The following TTC17 variants were observed in gnomAD, a reference collection of about 807,000 sequenced individuals.
TTC17 encodes tetratricopeptide repeat protein 17.
Under a neutral mutation model 143.8 loss-of-function variants are expected in TTC17, and 58 were observed. That is an observed-to-expected ratio of 0.40 (90% CI 0.33 to 0.50). The LOEUF is 0.50. Ranked by LOEUF, TTC17 falls within the 20% of genes least tolerant of loss-of-function variation. The pLI, the probability that TTC17 is intolerant of heterozygous loss-of-function variation, is 0.49. For synonymous variants in TTC17, 501 were observed against 497.8 expected (o/e 1.01, Z -0.09); for missense variants, 1,273 against 1,392.5 (o/e 0.91, Z 1.37).
intron 16 of TTC17, among the ~76,000 whole-genome samples, chr11:43,436,655 G>A (rs1412978606): frequency 1.3e-5 from 2 of 152,098 alleles, no homozygotes; most frequent in East Asian, 3.9e-4. Context: ...TGAAGATTTG[G>A]AATAGTGGGC....
intron 16 of TTC17, among the ~76,000 whole-genome samples, chr11:43,441,993 C>T (rs765804990): frequency 2.0e-5 from 3 of 152,096 alleles, no homozygotes; most frequent in Non-Finnish European, 2.9e-5. Flanking sequence ...GTCGTGGGAA[C>T]ATCATAGAGT....
intron 16 of TTC17, among the ~76,000 whole-genome samples, chr11:43,420,355 A>G (rs748792863): frequency 2.6e-5 from 4 of 152,222 alleles, no homozygotes; most frequent in Non-Finnish European, 4.4e-5. Flanking sequence ...TAAAAATGGT[A>G]TAATCACTAC....
At chr11:43,406,056 G>C (rs1858115831) in intron 13 of TTC17, 105 bp downstream of exon 13, 2 of 1,318,622 alleles carry the variant, frequency 1.5e-6, no homozygotes, top group Admixed American at 5.5e-5. Flanking sequence ...TGAGCTTTAA[G>C]TGTATAAAAT....
Position 43,404,043 on chromosome 11 carries a change from G to A in TTC17, c.1378G>A (p.Asp460Asn), listed in dbSNP as rs1243152243. The A allele has an allele frequency of 1.2e-6, 2 of 1,612,420 alleles. No homozygotes were observed. The highest frequency in any genetic ancestry group is 3.3e-5 in the Admixed American group (2 of 59,786). The change falls in exon 11 of 24, where the codon GAT (aspartate) becomes AAT (asparagine). Residue 460 changes from aspartate (D) to asparagine (N), a missense_variant. Coordinates refer to ENST00000039989, the MANE Select transcript of TTC17 (RefSeq NM_018259.6). The part of the protein sequence containing the change: ...STSSMMSVNF[D>N]VQSNQSDIND... ...CTCCAGTATGATGTCTGTGAACTTT[G>A]ATGTTCAATCAAATCAGAGTGATAT...
intron 19 of TTC17, 109 bp downstream of exon 19, chr11:43,448,231 G>A (rs1275357624): frequency 1.5e-5 from 22 of 1,464,276 alleles, no homozygotes; most frequent in Non-Finnish European, 2.0e-5. Context: ...CCTTTCTAGA[G>A]CTGAATTTTC....
intron 21 of TTC17, among the ~76,000 whole-genome samples, chr11:43,453,329 C>G (rs964509803): frequency 6.6e-6 from 1 of 151,360 alleles, no homozygotes; most frequent in African/African-American, 2.4e-5. Flanking sequence ...TGATCCAGAA[C>G]AGTCAACAGC....
chr11:43,399,248 T>C (rs1857745277), intron 8 of TTC17, among the ~76,000 whole-genome samples: 2 of 152,242 alleles, frequency 1.3e-5, no homozygotes, highest in South Asian at 4.1e-4. Context: ...AGAAAGACTT[T>C]GAATGTTGAT....
At chr11:43,394,736 TA>T (rs1857515082) in intron 5 of TTC17, among the ~76,000 whole-genome samples, 1 of 152,130 alleles carries the variant, frequency 6.6e-6, no homozygotes, top group African/African-American at 2.4e-5. Context: ...GATTAATTAT[TA>T]AATAATGAAT....
At chr11:43,434,560 T>G (rs183481308) in intron 16 of TTC17, among the ~76,000 whole-genome samples, 3 of 152,336 alleles carry the variant, frequency 2.0e-5, no homozygotes, top group Admixed American at 2.0e-4. Context: ...TTTATGAGGA[T>G]AAAGTGGAGG....
chr11:43,493,202 C>T lies in TTC17; in HGVS notation c.3295-571C>T, dbSNP rs186336222. 6.6e-5 allele frequency among the ~76,000 whole-genome samples: 10 copies of T among 152,278 alleles called. No homozygotes were observed. In the East Asian group the frequency reaches 1.2e-3, roughly 18 times the overall value. On this transcript the variant is annotated intron_variant, in intron 23 of 23. Transcript: ENST00000039989. The stretch of plus-strand genomic sequence containing the variant: ...AGTGTAACTCTAAGTAAAAGATTAA[C>T]CTTCAATATGGCAGGGATCATTTCC...
chr11:43,379,491 A>C (rs749620707), intron 2 of TTC17, among the ~76,000 whole-genome samples, 169 bp downstream of exon 2: 21 of 151,622 alleles, frequency 1.4e-4, no homozygotes, highest in Middle Eastern at 3.4e-3. Flanking sequence ...TTTTTTCTTT[A>C]TCATTTTATC....
chr11:43,481,157 A>G (rs1208267830), intron 21 of TTC17, among the ~76,000 whole-genome samples: 3 of 152,224 alleles, frequency 2.0e-5, no homozygotes, highest in African/African-American at 7.2e-5. Context: ...AAAATGTTTC[A>G]TTCACCAGAA....
chr11:43,395,053 G>A (rs929158256), intron 5 of TTC17, among the ~76,000 whole-genome samples: 1 of 150,160 alleles, frequency 6.7e-6, no homozygotes, highest in South Asian at 2.1e-4. Context: ...AGTATGCTAT[G>A]ATATATATTT....
chr11:43,413,199 T>C (rs1195874965), intron 15 of TTC17, among the ~76,000 whole-genome samples: 1 of 152,194 alleles, frequency 6.6e-6, no homozygotes, highest in Non-Finnish European at 1.5e-5. Flanking sequence ...CACTGGTTTA[T>C]GACAAAGGGG....
intron 2 of TTC17, among the ~76,000 whole-genome samples, chr11:43,386,903 C>G (rs1857190880): frequency 6.6e-6 from 1 of 152,088 alleles, no homozygotes; most frequent in South Asian, 2.1e-4. Context: ...CCTCCTACCT[C>G]AGCTTCTCCA....
intron 16 of TTC17, among the ~76,000 whole-genome samples, chr11:43,440,186 A>G (rs890924810): frequency 1.2e-4 from 18 of 152,194 alleles, no homozygotes; most frequent in African/African-American, 4.1e-4. Flanking sequence ...ACAGTGTTCT[A>G]TATAGGACAA....
chr11:43,429,859 A>G (rs1198502850), intron 16 of TTC17, among the ~76,000 whole-genome samples: 1 of 152,198 alleles, frequency 6.6e-6, no homozygotes, highest in Non-Finnish European at 1.5e-5. Context: ...CCTGTAGGGT[A>G]ACCTTTCTGA....
At chr11:43,450,338 A>C in intron 20 of TTC17, 97 bp downstream of exon 20, 1 of 1,373,966 alleles carries the variant, frequency 7.3e-7, no homozygotes. Context: ...CCTTTTAAAA[A>C]AAAATAGGGG....
chr11:43,428,227 A>C (rs1248314476), intron 16 of TTC17, among the ~76,000 whole-genome samples: 2 of 152,162 alleles, frequency 1.3e-5, no homozygotes, highest in Non-Finnish European at 2.9e-5. Flanking sequence ...CAGTCTCAGG[A>C]AGTCTGTTGA....
Sources: allele counts gnomAD v4.1 joint callset (sites outside exome capture counted in the v4.1 genomes callset), GRCh38; gene constraint gnomAD v4.1.1; transcripts MANE v1.5; gene names NCBI Gene and HGNC (gene_info 2026-07-23, HGNC 2026-07-21).